ANKS1B: variants seen among roughly 807,000 people sequenced by gnomAD.
ANKS1B encodes the protein ankyrin repeat and sterile alpha motif domain-containing protein 1B.
Under a neutral mutation model 148.3 loss-of-function variants are expected in ANKS1B, and 36 were observed. The ratio of observed to expected loss-of-function variants is 0.24; its 90% confidence interval spans 0.19 to 0.32. ANKS1B has a LOEUF of 0.32. Ranked by LOEUF, ANKS1B falls within the 10% of genes least tolerant of loss-of-function variation. The pLI, the probability that ANKS1B is intolerant of heterozygous loss-of-function variation, is 1.00. For missense variants in ANKS1B, 1,157 were observed against 1,542.6 expected, an observed-to-expected ratio of 0.75 and a Z score of 4.19; for synonymous variants, 542 against 560.8, an observed-to-expected ratio of 0.97 and a Z score of 0.47.
At chr12:99,010,757 A>T (rs57873850) in intron 17 of ANKS1B, among the ~76,000 whole-genome samples, 17,100 of 95,518 alleles carry the variant, frequency 0.18, 1,326 homozygotes, top group African/African-American at 0.37. Context: ...TATTATTATT[A>T]TTATTTTTTT....
intron 14 of ANKS1B, among the ~76,000 whole-genome samples, chr12:99,228,174 G>T (rs906589930): frequency 2.6e-5 from 4 of 152,146 alleles, no homozygotes; most frequent in Admixed American, 6.6e-5. Flanking sequence ...ATTCTAAGGG[G>T]TTGTTTTTTT....
At chr12:99,855,180 A>G (rs753845178) in intron 1 of ANKS1B, among the ~76,000 whole-genome samples, 7 of 152,172 alleles carry the variant, frequency 4.6e-5, no homozygotes, top group Admixed American at 3.9e-4. Flanking sequence ...ATAAGGACTC[A>G]CATAAACTTA....
intron 12 of ANKS1B, among the ~76,000 whole-genome samples, chr12:99,319,812 T>C (rs185473451): frequency 6.6e-6 from 1 of 152,306 alleles, no homozygotes; most frequent in African/African-American, 2.4e-5. Flanking sequence ...TTTGGCACAT[T>C]TTTGCAGTGG....
chr12:98,948,111 T>C (rs566438490), intron 17 of ANKS1B, among the ~76,000 whole-genome samples: 1 of 152,358 alleles, frequency 6.6e-6, no homozygotes, highest in African/African-American at 2.4e-5. Context: ...CAGAACCTGC[T>C]GTTAGCCTCT....
chr12:99,793,631 A>G (rs978056803), intron 4 of ANKS1B, among the ~76,000 whole-genome samples: 3 of 152,098 alleles, frequency 2.0e-5, no homozygotes, highest in Non-Finnish European at 4.4e-5. Flanking sequence ...CAGAACAATG[A>G]AACTAGACTC....
intron 9 of ANKS1B, among the ~76,000 whole-genome samples, chr12:99,547,452 G>T (rs913773816): frequency 6.6e-6 from 1 of 152,120 alleles, no homozygotes; most frequent in Non-Finnish European, 1.5e-5. Flanking sequence ...ACACCCAGGG[G>T]TGTTATGAGG....
chr12:98,995,855 C>T (rs906124626), intron 17 of ANKS1B, among the ~76,000 whole-genome samples: 2 of 152,100 alleles, frequency 1.3e-5, no homozygotes, highest in Non-Finnish European at 2.9e-5. Flanking sequence ...TCCAGGGAGA[C>T]CAATGCAATC....
intron 9 of ANKS1B, among the ~76,000 whole-genome samples, chr12:99,613,807 C>G (rs765722864): frequency 4.6e-5 from 7 of 151,848 alleles, no homozygotes; most frequent in Non-Finnish European, 8.8e-5. Context: ...CCATGACACA[C>G]GTTTACTTAT....
chr12:98,917,427 C>G (rs1019123956), intron 17 of ANKS1B, among the ~76,000 whole-genome samples: 1 of 152,128 alleles, frequency 6.6e-6, no homozygotes, highest in African/African-American at 2.4e-5. Flanking sequence ...CATCTCATTG[C>G]CTCAAAGTCC....
chr12:98,984,699 C>T (rs1460613947), intron 17 of ANKS1B, among the ~76,000 whole-genome samples: 1 of 152,086 alleles, frequency 6.6e-6, no homozygotes, highest in East Asian at 1.9e-4. Context: ...ATTTTTTTAA[C>T]CTATTTCCTT....
In ANKS1B at chr12:99,582,347, T is replaced by TA. The variant is rs201837326; in HGVS notation, c.1272+72719_1272+72720insT. Reference sequence around the variant, plus strand: ...ATGTAATCCCACATCTAGGTATTTTTTAAAAAAAAAAGACAGAGATGAAAA... The same window carrying TA: ...ATGTAATCCCACATCTAGGTATTTTTATAAAAAAAAAAGACAGAGATGAAAA... On this transcript the variant is annotated intron_variant, in intron 9 of 26. Transcript: ENST00000683438. 9.6e-3 allele frequency among the ~76,000 whole-genome samples: 1,446 copies of TA among 151,108 alleles called. 17 individuals are homozygous for TA. Among genetic ancestry groups the TA allele is most frequent in the African/African-American group, 0.033 (1,349 of 41,096 alleles).
intron 14 of ANKS1B, among the ~76,000 whole-genome samples, chr12:99,185,787 C>T (rs893699441): frequency 1.3e-5 from 2 of 152,182 alleles, no homozygotes; most frequent in African/African-American, 2.4e-5. Context: ...CCACAAGGGC[C>T]CTGGGTTTCA....
intron 9 of ANKS1B, among the ~76,000 whole-genome samples, chr12:99,603,498 C>T (rs962865088): frequency 3.9e-5 from 6 of 151,964 alleles, no homozygotes; most frequent in African/African-American, 1.4e-4. Context: ...CTTAGTTCCT[C>T]GATGTTGTCT....
At chr12:99,764,382 C>T (rs1367912463) in intron 8 of ANKS1B, among the ~76,000 whole-genome samples, 11 of 152,050 alleles carry the variant, frequency 7.2e-5, no homozygotes, top group Non-Finnish European at 1.5e-4. Flanking sequence ...AAAACATGAA[C>T]GTGGACAATA....
intron 10 of ANKS1B, among the ~76,000 whole-genome samples, chr12:99,448,675 A>G (rs772687532): frequency 2.0e-5 from 3 of 152,124 alleles, no homozygotes; most frequent in Non-Finnish European, 4.4e-5. Flanking sequence ...TGTTGTACAC[A>G]ATAAGTATAT....
At chr12:98,976,722 A>T (rs542203854) in intron 17 of ANKS1B, 1 of 152,336 alleles carries the variant, frequency 6.6e-6, no homozygotes, top group Admixed American at 6.5e-5. Flanking sequence ...AAAAACACAC[A>T]TGGCTCAGGG....
intron 24 of ANKS1B, among the ~76,000 whole-genome samples, chr12:98,773,618 C>T (rs1397930526): frequency 6.6e-6 from 1 of 152,096 alleles, no homozygotes; most frequent in East Asian, 1.9e-4. Flanking sequence ...CCAGGCCTGG[C>T]TAATTTTTGT....
chr12:98,791,202 G>A (rs572803664), intron 22 of ANKS1B, among the ~76,000 whole-genome samples: 12 of 152,100 alleles, frequency 7.9e-5, no homozygotes, highest in Admixed American at 2.6e-4. Flanking sequence ...AAAATTAGCC[G>A]GACGTGGTGG....
intron 17 of ANKS1B, among the ~76,000 whole-genome samples, chr12:98,942,540 C>G (rs139577020): frequency 6.6e-6 from 1 of 152,310 alleles, no homozygotes; most frequent in Non-Finnish European, 1.5e-5. Context: ...AGGTTCCCCT[C>G]AGCAGAATGT....
Sources: gnomAD v4.1 joint callset for allele counts (sites outside exome capture counted in the v4.1 genomes callset) on GRCh38, gnomAD v4.1.1 for gene constraint, MANE v1.5 for transcripts, NCBI Gene and HGNC (gene_info 2026-07-23, HGNC 2026-07-21) for gene names.